IL1RAPL2: variants seen among roughly 807,000 people sequenced by gnomAD.
IL1RAPL2 encodes interleukin 1 receptor accessory protein like 2.
In IL1RAPL2, 3 loss-of-function variants were observed where a neutral mutation model predicts 44.1. That is an observed-to-expected ratio of 0.07 (90% CI 0.03 to 0.18). The LOEUF (loss-of-function observed/expected upper bound fraction) is 0.18. Ranked by LOEUF, IL1RAPL2 falls within the 10% of genes least tolerant of loss-of-function variation. IL1RAPL2 has a pLI of 1.00. For synonymous variants in IL1RAPL2, 181 were observed against 178.8 expected, an observed-to-expected ratio of 1.01 and a Z score of -0.10; for missense variants, 391 against 496.4, an observed-to-expected ratio of 0.79 and a Z score of 2.02.
chrX:105,204,429 G>T (rs1236839443), intron 3 of IL1RAPL2, among the ~76,000 whole-genome samples: 1 of 111,731 alleles, frequency 9.0e-6, no homozygotes, highest in Non-Finnish European at 1.9e-5. Flanking sequence ...TCTTTAAAAG[G>T]GCAGAGGACT....
chrX:105,379,585 T>C (rs1216117173), intron 5 of IL1RAPL2, among the ~76,000 whole-genome samples: 1 of 111,550 alleles, frequency 9.0e-6, no homozygotes. Context: ...GTTAAGAGCA[T>C]GGCCGAATAT....
intron 2 of IL1RAPL2, among the ~76,000 whole-genome samples, chrX:105,012,208 A>G (rs1170107943): frequency 9.0e-6 from 1 of 111,328 alleles, no homozygotes; most frequent in East Asian, 2.9e-4. Flanking sequence ...TGATTAATAC[A>G]GGGTATAAAT....
At chrX:105,354,006 G>A (rs915421993) in intron 5 of IL1RAPL2, among the ~76,000 whole-genome samples, 3 of 110,876 alleles carry the variant, frequency 2.7e-5, no homozygotes, top group African/African-American at 6.6e-5. Flanking sequence ...TCCCTGTCTT[G>A]TGCCAGTTTT....
chrX:105,486,046 A>G (rs2147776602), intron 6 of IL1RAPL2, among the ~76,000 whole-genome samples: 1 of 111,849 alleles, frequency 8.9e-6, no homozygotes, highest in East Asian at 2.8e-4. Flanking sequence ...CATTCTCCAC[A>G]GTGGTTGTAC....
At chrX:104,594,962 T>C (rs1413649310) in intron 1 of IL1RAPL2, among the ~76,000 whole-genome samples, 4 of 112,012 alleles carry the variant, frequency 3.6e-5, no homozygotes, top group Non-Finnish European at 7.5e-5. Flanking sequence ...TGGCTTCGTA[T>C]GGCATGTTGA....
chrX:104,596,368 G>T (rs1928764595), intron 1 of IL1RAPL2, among the ~76,000 whole-genome samples: 2 of 111,385 alleles, frequency 1.8e-5, no homozygotes, highest in South Asian at 7.6e-4. Context: ...AGAAGTGAAT[G>T]AAAATAATGG....
intron 5 of IL1RAPL2, among the ~76,000 whole-genome samples, chrX:105,471,417 T>A (rs2036165072): frequency 9.0e-6 from 1 of 111,543 alleles, no homozygotes; most frequent in South Asian, 3.8e-4. Context: ...TCCTATAAAA[T>A]AATAAACATA....
chrX:104,628,913 T>G (rs1383872967), intron 1 of IL1RAPL2, among the ~76,000 whole-genome samples: 3 of 112,183 alleles, frequency 2.7e-5, no homozygotes, highest in African/African-American at 9.7e-5. Flanking sequence ...GGTAACAGAC[T>G]AAATACATTT....
At chrX:105,339,273 A>G (rs1396373734) in intron 5 of IL1RAPL2, among the ~76,000 whole-genome samples, 2 of 111,723 alleles carry the variant, frequency 1.8e-5, no homozygotes, top group Admixed American at 9.6e-5. Context: ...GTTATATGCC[A>G]TGTAGGTTCC....
At chrX:104,794,463 A>G in intron 2 of IL1RAPL2, among the ~76,000 whole-genome samples, 1 of 110,709 alleles carries the variant, frequency 9.0e-6, no homozygotes, top group Non-Finnish European at 1.9e-5. Context: ...GTGCCCCTAC[A>G]TCTACCACTA....
At chrX:105,647,118 G>C (rs2037611783) in intron 6 of IL1RAPL2, among the ~76,000 whole-genome samples, 1 of 112,075 alleles carries the variant, frequency 8.9e-6, no homozygotes, top group Non-Finnish European at 1.9e-5. Flanking sequence ...AGCTGCACAG[G>C]AACAATAGCA....
At position 104,949,161 on chromosome X, in the gene IL1RAPL2, C is replaced by T. The variant is rs5963011; in HGVS notation, c.83-246314C>T. 9.4e-3 allele frequency among the ~76,000 whole-genome samples: 1,023 copies of T among 108,927 alleles called. 15 individuals carry two copies. The highest frequency in any genetic ancestry group is 0.033 in the African/African-American group (993 of 30,038). The allele number at this position is 108,927 out of a possible 115,157, so 94.6% of individuals were successfully genotyped here. A position where few individuals can be genotyped will look rare whatever the true frequency, so the allele number is the denominator to read the frequency against. Reference sequence around the variant, plus strand: ...TTTAGTCTTGGGAGAGTGTATGTGTCGAGGAATTTATCCATTTCTTCTAGA... The same window carrying T: ...TTTAGTCTTGGGAGAGTGTATGTGTTGAGGAATTTATCCATTTCTTCTAGA... On this transcript the variant is annotated intron_variant, in intron 2 of 10. Transcript: ENST00000372582.
At chrX:104,696,317 G>A (rs748743139) in intron 2 of IL1RAPL2, among the ~76,000 whole-genome samples, 1 of 112,163 alleles carries the variant, frequency 8.9e-6, no homozygotes, top group African/African-American at 3.2e-5. Flanking sequence ...CAGGAACCCA[G>A]GTGTTCTGTG....
chrX:105,286,285 G>A (rs1603048061), intron 5 of IL1RAPL2, among the ~76,000 whole-genome samples: 1 of 110,495 alleles, frequency 9.1e-6, no homozygotes, highest in Admixed American at 9.7e-5. Context: ...ACCCCTTTGA[G>A]CCTCTACTTC....
intron 1 of IL1RAPL2, among the ~76,000 whole-genome samples, chrX:104,632,368 A>G (rs1929671229): frequency 9.0e-6 from 1 of 111,529 alleles, no homozygotes; most frequent in African/African-American, 3.3e-5. Context: ...GTTTTTTCCA[A>G]TTCTGCGAAG....
At chrX:104,589,315 G>A (rs899416320) in intron 1 of IL1RAPL2, among the ~76,000 whole-genome samples, 2 of 112,216 alleles carry the variant, frequency 1.8e-5, no homozygotes, top group African/African-American at 3.2e-5. Flanking sequence ...TCTGATGTTC[G>A]AGGGCAGGAA....
At chrX:105,542,389 G>T (rs1306210352) in intron 6 of IL1RAPL2, among the ~76,000 whole-genome samples, 1 of 112,028 alleles carries the variant, frequency 8.9e-6, no homozygotes, top group Admixed American at 9.5e-5. Context: ...TAGTCAGCCA[G>T]ACTAGTTATC....
At chrX:104,918,585 C>G (rs946300928) in intron 2 of IL1RAPL2, among the ~76,000 whole-genome samples, 3 of 112,089 alleles carry the variant, frequency 2.7e-5, no homozygotes, top group Admixed American at 1.9e-4. Context: ...CTTCCACAAC[C>G]TATGGTCTTA....
intron 1 of IL1RAPL2, among the ~76,000 whole-genome samples, chrX:104,634,040 T>G (rs1364423870): frequency 9.0e-6 from 1 of 111,549 alleles, no homozygotes; most frequent in East Asian, 2.8e-4. Flanking sequence ...TCTGGTATGT[T>G]GTGTCTTTGT....
Sources: gnomAD v4.1 joint callset for allele counts (sites outside exome capture counted in the v4.1 genomes callset) on GRCh38, gnomAD v4.1.1 for gene constraint, MANE v1.5 for transcripts, NCBI Gene and HGNC (gene_info 2026-07-23, HGNC 2026-07-21) for gene names.